The following DNAH7 variants were observed in gnomAD, a reference collection of about 807,000 sequenced individuals.
DNAH7 encodes axonemal beta dynein heavy chain 7.
In DNAH7, 397 loss-of-function variants were observed where a neutral mutation model predicts 444.6. The observed-to-expected ratio is 0.89, with a 90% confidence interval of 0.82 to 0.97. The LOEUF (loss-of-function observed/expected upper bound fraction) is 0.97. Among genes scored for constraint, DNAH7 ranks in the 50% least tolerant of loss-of-function variants. The probability of loss-of-function intolerance (pLI) is 0.00; values close to 1 mark genes in which losing one functional copy is unlikely to be tolerated. For synonymous variants in DNAH7, 1,636 were observed against 1,624.4 expected, an observed-to-expected ratio of 1.01 and a Z score of -0.17; for missense variants, 4,902 against 4,800.8, an observed-to-expected ratio of 1.02 and a Z score of -0.62.
intron 24 of DNAH7, among the ~76,000 whole-genome samples, chr2:195,913,511 G>A (rs1458844260): frequency 6.6e-6 from 1 of 152,138 alleles, no homozygotes; most frequent in Non-Finnish European, 1.5e-5. Context: ...GTTAAACTTG[G>A]AGAATATAAA....
chr2:195,970,513 A>G (rs1375608693), intron 16 of DNAH7, among the ~76,000 whole-genome samples: 1 of 152,154 alleles, frequency 6.6e-6, no homozygotes, highest in African/African-American at 2.4e-5. Flanking sequence ...AAAAAAACGG[A>G]ATTTCTTTAA....
At chr2:195,972,213 A>C (rs1233603795) in intron 16 of DNAH7, 29 bp downstream of exon 16, 2 of 1,561,562 alleles carry the variant, frequency 1.3e-6, no homozygotes, top group Non-Finnish European at 1.7e-6. Context: ...ATTTCCAGAA[A>C]ATGAAAATAA....
chr2:195,752,359 A>C (rs1049233607), intron 63 of DNAH7, among the ~76,000 whole-genome samples: 8 of 152,114 alleles, frequency 5.3e-5, no homozygotes, highest in African/African-American at 1.9e-4. Flanking sequence ...AGAAGAACGA[A>C]GAGTTCCTGG....
At chr2:195,917,730 A>G (rs1412677583) in intron 24 of DNAH7, among the ~76,000 whole-genome samples, 3 of 152,176 alleles carry the variant, frequency 2.0e-5, no homozygotes, top group African/African-American at 7.2e-5. Flanking sequence ...ATCATGGCTC[A>G]CTACAGCCTC....
At chr2:195,860,908 A>G (rs1421032934) in intron 42 of DNAH7, among the ~76,000 whole-genome samples, 1 of 152,158 alleles carries the variant, frequency 6.6e-6, no homozygotes, top group East Asian at 1.9e-4. Flanking sequence ...ATTAATTTAT[A>G]GATAATATTC....
rs1696536928 is a variant in DNAH7, at chr2:195,802,812, G to A, written c.10177-3340C>T. The stretch of plus-strand genomic sequence containing the variant: ...TTAGGGTATCCGTTACCCAGATAAT[G>A]TACATTGTACCCCTTAAGTAATCTC... On this transcript the variant is annotated intron_variant, in intron 54 of 64. Transcript: ENST00000312428. 2.0e-5 allele frequency among the ~76,000 whole-genome samples: 3 copies of A among 152,040 alleles called. No homozygotes were observed. In the South Asian group the frequency reaches 6.2e-4, roughly 32 times the overall value.
intron 48 of DNAH7, among the ~76,000 whole-genome samples, chr2:195,833,081 G>A (rs1698151315): frequency 6.6e-6 from 1 of 152,102 alleles, no homozygotes; most frequent in African/African-American, 2.4e-5. Context: ...ATCCCAATAA[G>A]AATTAGTGAT....
At chr2:195,840,480 T>C (rs892524833) in intron 47 of DNAH7, among the ~76,000 whole-genome samples, 1 of 151,636 alleles carries the variant, frequency 6.6e-6, no homozygotes, top group Non-Finnish European at 1.5e-5. Context: ...TGTTCATCAT[T>C]ATACTAGAAG....
intron 16 of DNAH7, among the ~76,000 whole-genome samples, chr2:195,971,777 C>G (rs1041596444): frequency 4.6e-5 from 7 of 151,822 alleles, no homozygotes; most frequent in Non-Finnish European, 1.0e-4. Context: ...CCCCTCCCCC[C>G]CAAGAAAAAA....
chr2:195,812,088 G>A (rs924310216), intron 51 of DNAH7, among the ~76,000 whole-genome samples: 2 of 152,050 alleles, frequency 1.3e-5, no homozygotes, highest in African/African-American at 4.8e-5. Flanking sequence ...ACCTAGACCA[G>A]CAACTCCTCT....
chr2:195,998,254 T>C (rs1693820884), intron 12 of DNAH7, among the ~76,000 whole-genome samples: 1 of 152,176 alleles, frequency 6.6e-6, no homozygotes, highest in African/African-American at 2.4e-5. Context: ...ACTGTAACAC[T>C]ATAGCAACTG....
At chr2:195,912,020 G>A (rs904204690) in intron 24 of DNAH7, among the ~76,000 whole-genome samples, 2 of 152,120 alleles carry the variant, frequency 1.3e-5, no homozygotes, top group Admixed American at 1.3e-4. Flanking sequence ...CCCAAGCTGA[G>A]AACAATAAAT....
At chr2:195,867,731 T>C (rs1264356872) in intron 40 of DNAH7, among the ~76,000 whole-genome samples, 1 of 152,244 alleles carries the variant, frequency 6.6e-6, no homozygotes, top group African/African-American at 2.4e-5. Flanking sequence ...ACAATGTTTC[T>C]AGGTTCATCT....
rs768968517 is a variant in DNAH7 at position 195,845,083 on chromosome 2, C to T, written c.8864G>A (p.Gly2955Glu). The T allele has an allele frequency of 4.3e-6, 7 of 1,613,764 alleles. No individual in the cohort carries two copies. The Admixed American group carries it at 1.0e-4, about 23-fold the overall frequency. Residue 2955 changes from glycine to glutamate, a missense_variant, in exon 47 of 65, where the codon GGA (glycine) becomes GAA (glutamate). Physicochemically the swap from Gly to Glu is moderately conservative, Grantham distance 98 (BLOSUM62 -2). Transcript: ENST00000312428. ...SDDCSLMGTLGEAVTIRTWNI... is the reference protein window; with the variant it reads ...SDDCSLMGTLEEAVTIRTWNI... ...CCAAGTTCGAATTGTCACAGCTTCT[C>T]CCAGGGTACCCATAAGAGAGCAATC...
At chr2:195,954,656 T>C (rs1041719310) in intron 19 of DNAH7, among the ~76,000 whole-genome samples, 2 of 152,184 alleles carry the variant, frequency 1.3e-5, no homozygotes, top group Non-Finnish European at 2.9e-5. Context: ...AGTGTAAAAG[T>C]GTTCCTATTT....
chr2:195,964,363 G>C (rs1574899712), intron 17 of DNAH7, among the ~76,000 whole-genome samples: 1 of 151,820 alleles, frequency 6.6e-6, no homozygotes, highest in African/African-American at 2.4e-5. Context: ...TGGCTTCTTT[G>C]GCTAAATTAA....
chr2:195,998,168 AT>A (rs1473025720), intron 12 of DNAH7, among the ~76,000 whole-genome samples: 1 of 152,224 alleles, frequency 6.6e-6, no homozygotes, highest in Non-Finnish European at 1.5e-5. Flanking sequence ...AGAAGTTTCA[AT>A]TAACTGTTCT....
intron 19 of DNAH7, among the ~76,000 whole-genome samples, chr2:195,955,032 T>C (rs921313867): frequency 6.6e-6 from 1 of 152,188 alleles, no homozygotes; most frequent in Non-Finnish European, 1.5e-5. Flanking sequence ...AGTTTAATTA[T>C]ACCCCATTTG....
intron 1 of DNAH7, among the ~76,000 whole-genome samples, chr2:196,065,549 T>C (rs996736180): frequency 6.6e-6 from 1 of 152,210 alleles, no homozygotes; most frequent in African/African-American, 2.4e-5. Context: ...ACATCATCTG[T>C]GCCTTCAGTT....
Sources: gnomAD v4.1 joint callset for allele counts (sites outside exome capture counted in the v4.1 genomes callset) on GRCh38, gnomAD v4.1.1 for gene constraint, MANE v1.5 for transcripts, NCBI Gene and HGNC (gene_info 2026-07-23, HGNC 2026-07-21) for gene names.